Variants in SHISA6 observed in about 807,000 individuals in gnomAD.
SHISA6 encodes the protein shisa family member 6, also known as protein shisa-6.
SHISA6 carries 22 observed loss-of-function variants against 47.9 expected under a neutral mutation model. That is an observed-to-expected ratio of 0.46 (90% confidence interval 0.33 to 0.66). The LOEUF is 0.66. Ranked by LOEUF, SHISA6 falls within the 30% of genes least tolerant of loss-of-function variation. The pLI is 0.02. For synonymous variants in SHISA6, 388 were observed against 337.8 expected, an observed-to-expected ratio of 1.15 and a Z score of -1.63; for missense variants, 680 against 764.6, an observed-to-expected ratio of 0.89 and a Z score of 1.30.
At chr17:11,339,163 AT>A (rs1266297101) in intron 2 of SHISA6, among the ~76,000 whole-genome samples, 1 of 143,782 alleles carries the variant, frequency 7.0e-6, no homozygotes, top group Non-Finnish European at 1.5e-5. Flanking sequence ...TTAAAGTATG[AT>A]TAAAAAAAAA....
At chr17:11,384,020 A>G (rs1318728869) in intron 3 of SHISA6, among the ~76,000 whole-genome samples, 1 of 152,212 alleles carries the variant, frequency 6.6e-6, no homozygotes, top group Admixed American at 6.5e-5. Context: ...ATACATACAT[A>G]CATACATAAA....
At chr17:11,311,063 C>T (rs543067375) in intron 2 of SHISA6, among the ~76,000 whole-genome samples, 8 of 140,078 alleles carry the variant, frequency 5.7e-5, no homozygotes, top group Admixed American at 4.6e-4. Context: ...GCTGAGATTG[C>T]GCCACTGTAC....
At chr17:11,535,649 C>T (rs141353641) in intron 3 of SHISA6, among the ~76,000 whole-genome samples, 1 of 152,316 alleles carries the variant, frequency 6.6e-6, no homozygotes, top group Non-Finnish European at 1.5e-5. Context: ...TGTATTTGCA[C>T]GTTCTGGCAA....
At chr17:11,481,358 GTGTGTGTGTATA>G (rs998682018) in intron 3 of SHISA6, among the ~76,000 whole-genome samples, 30 of 109,942 alleles carry the variant, frequency 2.7e-4, no homozygotes, top group African/African-American at 1.0e-3. Context: ...GTGTGTGTGT[GTGTGTGTGTATA>G]TATATATATA....
At chr17:11,350,248 C>T (rs981889838) in intron 2 of SHISA6, among the ~76,000 whole-genome samples, 7 of 90,242 alleles carry the variant, frequency 7.8e-5, no homozygotes, top group African/African-American at 2.3e-4. Context: ...GGCGCGATCT[C>T]GGCTCACTGC....
At chr17:11,507,756 A>G (rs2071511656) in intron 3 of SHISA6, among the ~76,000 whole-genome samples, 1 of 152,184 alleles carries the variant, frequency 6.6e-6, no homozygotes, top group African/African-American at 2.4e-5. Flanking sequence ...GTCTCTTGCC[A>G]CTAACTTGAA....
intron 2 of SHISA6, among the ~76,000 whole-genome samples, chr17:11,340,375 T>C (rs190488551): frequency 3.9e-5 from 6 of 152,330 alleles, no homozygotes; most frequent in Non-Finnish European, 2.9e-5. Flanking sequence ...TGGGCTCATC[T>C]GGACCCTGGA....
intron 2 of SHISA6, among the ~76,000 whole-genome samples, chr17:11,354,012 T>TG (rs1025822471): frequency 6.6e-6 from 1 of 152,120 alleles, no homozygotes; most frequent in African/African-American, 2.4e-5. Flanking sequence ...GATAAATCTT[T>TG]GGGGAAGGGG....
chr17:11,383,389 A>G (rs749353895), intron 3 of SHISA6, among the ~76,000 whole-genome samples: 63 of 152,164 alleles, frequency 4.1e-4, no homozygotes, highest in Non-Finnish European at 7.8e-4. Flanking sequence ...ATGGGTAATT[A>G]AATAGTCTCA....
intron 3 of SHISA6, among the ~76,000 whole-genome samples, chr17:11,492,504 C>T (rs1255347087): frequency 6.6e-6 from 1 of 152,124 alleles, no homozygotes; most frequent in Non-Finnish European, 1.5e-5. Context: ...TCTAAGCCCC[C>T]AATTTTATGA....
chr17:11,337,792 A>G (rs183045714), intron 2 of SHISA6, among the ~76,000 whole-genome samples: 87 of 152,290 alleles, frequency 5.7e-4, no homozygotes, highest in African/African-American at 2.0e-3. Flanking sequence ...TCTAGAGGAC[A>G]AGGAGACATA....
chr17:11,366,188 C>A (rs79481912), intron 2 of SHISA6, among the ~76,000 whole-genome samples: 2,392 of 152,290 alleles, frequency 0.016, 61 homozygotes, highest in African/African-American at 0.045. Context: ...CATTCTGTTA[C>A]CCAGGGTGGA....
At chr17:11,288,811 A>G (rs1909417143) in intron 2 of SHISA6, 1 of 152,062 alleles carries the variant, frequency 6.6e-6, no homozygotes, top group Non-Finnish European at 1.5e-5. Context: ...CTTTCTTTTA[A>G]GTAGTCTTAC....
intron 2 of SHISA6, among the ~76,000 whole-genome samples, chr17:11,322,397 A>G (rs1168598662): frequency 6.6e-6 from 1 of 152,222 alleles, no homozygotes; most frequent in Non-Finnish European, 1.5e-5. Flanking sequence ...AATTTCTTAT[A>G]GAGTGAATCT....
intron 3 of SHISA6, among the ~76,000 whole-genome samples, chr17:11,548,672 G>T (rs2071903926): frequency 6.6e-6 from 1 of 152,102 alleles, no homozygotes; most frequent in Non-Finnish European, 1.5e-5. Flanking sequence ...CGCTAAAGAT[G>T]TGTGCTCAGG....
intron 3 of SHISA6, among the ~76,000 whole-genome samples, chr17:11,519,929 C>T (rs996885595): frequency 6.6e-6 from 1 of 152,244 alleles, no homozygotes; most frequent in South Asian, 2.1e-4. Flanking sequence ...TTTTTAACTC[C>T]TAACTGCTCT....
At chr17:11,263,258 C>T (rs941877229) in intron 1 of SHISA6, 108 bp from the exon 2 acceptor site, 1 of 1,177,458 alleles carries the variant, frequency 8.5e-7, no homozygotes, top group East Asian at 2.6e-5. Context: ...GTCTCTGTCT[C>T]TTCCTGCATC....
At chr17:11,345,518 T>A (rs774985751) in intron 2 of SHISA6, among the ~76,000 whole-genome samples, 4 of 152,194 alleles carry the variant, frequency 2.6e-5, no homozygotes, top group Admixed American at 2.0e-4. Flanking sequence ...AAAAAACAAC[T>A]GACATTTTGA....
intron 2 of SHISA6, among the ~76,000 whole-genome samples, chr17:11,286,244 T>C (rs1909294963): frequency 6.6e-6 from 1 of 152,130 alleles, no homozygotes; most frequent in Admixed American, 6.5e-5. Flanking sequence ...GACTAGAGCA[T>C]ATCTGTGTGT....
Sources: gnomAD v4.1 joint callset for allele counts (sites outside exome capture counted in the v4.1 genomes callset) on GRCh38, gnomAD v4.1.1 for gene constraint, MANE v1.5 for transcripts, NCBI Gene and HGNC (gene_info 2026-07-23, HGNC 2026-07-21) for gene names.